SMC5: variants seen among roughly 807,000 people sequenced by gnomAD.
SMC5 encodes the protein structural maintenance of chromosomes 5.
SMC5 carries 88 observed loss-of-function variants against 148.3 expected under a neutral mutation model. The ratio of observed to expected loss-of-function variants is 0.59; its 90% CI spans 0.50 to 0.71. The LOEUF (loss-of-function observed/expected upper bound fraction) is 0.71. Among genes scored for constraint, SMC5 ranks in the 30% least tolerant of loss-of-function variants. The pLI, the probability that SMC5 is intolerant of heterozygous loss-of-function variation, is 0.00. For synonymous variants in SMC5, 421 were observed against 432.8 expected (o/e 0.97, Z 0.34); for missense variants, 1,142 against 1,298.9 (o/e 0.88, Z 1.86).
At chr9:70,345,498 C>T (rs1256565741) in intron 18 of SMC5, among the ~76,000 whole-genome samples, 1 of 152,150 alleles carries the variant, frequency 6.6e-6, no homozygotes, top group African/African-American at 2.4e-5. Context: ...CATTTTATAA[C>T]AGTCCTGAAT....
chr9:70,353,201 T>C lies in SMC5; in HGVS notation c.*870T>C, dbSNP rs945657214. The C allele has an allele frequency of 1.3e-5, 2 of 152,160 alleles. No homozygotes were observed. Among genetic ancestry groups the C allele is most frequent in the African/African-American group, 4.8e-5 (2 of 41,452 alleles). 9.4% of individuals were successfully genotyped at this position (152,160 alleles called of 1,614,324 possible). A position where few individuals can be genotyped will look rare whatever the true frequency, so the allele number is the denominator to read the frequency against. ...TTTCTTAAAATTTCATATACTGGTT[T>C]CTACAATTTATATTTGAAATTTCTC... On this transcript the variant is annotated 3_prime_UTR_variant, in exon 25 of 25. Transcript: ENST00000361138.
chr9:70,305,375 A>G lies in SMC5; in HGVS notation c.1578+15A>G, dbSNP rs1411497719. On this transcript the variant is annotated intron_variant, in intron 11 of 24. Transcript: ENST00000361138. Reference sequence around the variant, plus strand: ...TCCTCAAAGAGGCAAGTACTAACCAACACAACACTTTGATTCACTTGACAC... The same window carrying G: ...TCCTCAAAGAGGCAAGTACTAACCAGCACAACACTTTGATTCACTTGACAC... The G allele has an allele frequency of 3.5e-6, 5 of 1,408,636 alleles. No individual in the cohort carries two copies. The highest frequency in any genetic ancestry group is 5.0e-6 in the Non-Finnish European group (5 of 1,002,954). The allele number at this position is 1,408,636 out of a possible 1,614,324, so 87.3% of individuals were successfully genotyped here.
chr9:70,299,929 T>C (rs546304112), intron 9 of SMC5, 117 bp from the exon 10 acceptor site: 1 of 826,648 alleles, frequency 1.2e-6, no homozygotes, highest in Non-Finnish European at 1.7e-6. Context: ...TGGGAGTTAC[T>C]TGCTGAGTGG....
At chr9:70,260,536 T>A (rs2034089715) in intron 1 of SMC5, among the ~76,000 whole-genome samples, 1 of 152,182 alleles carries the variant, frequency 6.6e-6, no homozygotes, top group Non-Finnish European at 1.5e-5. Context: ...TCATAACAAC[T>A]CTATCTTGAT....
chr9:70,284,503 G>GT (rs1291483284), intron 7 of SMC5, among the ~76,000 whole-genome samples: 4 of 152,038 alleles, frequency 2.6e-5, no homozygotes. Context: ...GCTTTTTTTG[G>GT]TTCTTGAATT....
chr9:70,278,714 T>G lies in SMC5; in HGVS notation c.678+89T>G, dbSNP rs953504530. On this transcript the variant is annotated intron_variant, in intron 5 of 24. Coordinates refer to ENST00000361138, the MANE Select transcript of SMC5 (RefSeq NM_015110.4). ...AGAGAGAGTAGTAGTATTGATTCAT[T>G]GAGTGAATTCGTATTTGTGATTTTT... 1.7e-5 allele frequency: 22 copies of G among 1,308,804 alleles called. No homozygotes were observed. The African/African-American group carries it at 3.0e-4, about 18-fold the overall frequency. 81.1% of individuals were successfully genotyped at this position (1,308,804 alleles called of 1,614,324 possible).
Position 70,300,182 on chromosome 9 carries a change from T to A in SMC5, c.1446T>A (p.Cys482Ter). The change falls in exon 10 of 25, where the codon TGT becomes TGA. Residue 482 changes from cysteine (C) to a stop codon, truncating the protein, a stop_gained. Transcript: ENST00000361138. LOFTEE classifies it high-confidence loss of function. The stretch of plus-strand genomic sequence containing the variant: ...GAGACAAATTTAAACAAAGAGTCTG[T>A]GAGCCCATAATGCTCACGGTAAGAA... ...NNRDKFKQRV[C>*]EPIMLTINMK... 6.3e-7 allele frequency: 1 copy of A among 1,595,540 alleles called. No homozygotes were observed.
intron 11 of SMC5, among the ~76,000 whole-genome samples, chr9:70,306,273 C>CT (rs1383791095): frequency 2.6e-5 from 4 of 151,922 alleles, no homozygotes; most frequent in African/African-American, 9.7e-5. Flanking sequence ...TTTAATTGGT[C>CT]TAAGTGAGGA....
chr9:70,344,431 T>C (rs989762454), intron 18 of SMC5, 162 bp downstream of exon 18: 20 of 300,082 alleles, frequency 6.7e-5, no homozygotes, highest in Admixed American at 1.6e-4. Context: ...TATAAAATAA[T>C]GTTGCTTAAG....
intron 13 of SMC5, among the ~76,000 whole-genome samples, chr9:70,316,606 T>C (rs1450907407): frequency 6.6e-6 from 1 of 152,086 alleles, no homozygotes; most frequent in East Asian, 1.9e-4. Flanking sequence ...AACCAATTTT[T>C]GTCAAAGCTT....
chr9:70,323,438 C>A (rs1488429437), intron 15 of SMC5, 45 bp from the exon 16 acceptor site: 2 of 1,520,818 alleles, frequency 1.3e-6, no homozygotes, highest in South Asian at 1.3e-5. Flanking sequence ...GGGATCAATT[C>A]TTATGTTTAA....
At chr9:70,334,534 G>A (rs1269878601) in intron 17 of SMC5, among the ~76,000 whole-genome samples, 3 of 152,186 alleles carry the variant, frequency 2.0e-5, no homozygotes, top group African/African-American at 7.2e-5. Flanking sequence ...AGAGGACTAT[G>A]CCTGTGGGCC....
chr9:70,259,989 G>GGA (rs1202093228), intron 1 of SMC5, among the ~76,000 whole-genome samples: 3 of 149,144 alleles, frequency 2.0e-5, no homozygotes, highest in Non-Finnish European at 4.4e-5. Context: ...AGCCCACGCT[G>GGA]GATGGAGTGC....
chr9:70,323,399 C>A, intron 15 of SMC5, 84 bp from the exon 16 acceptor site: 1 of 1,357,740 alleles, frequency 7.4e-7, no homozygotes, highest in South Asian at 1.6e-5. Context: ...TAAATATATC[C>A]CAGAAAACTG....
At chr9:70,323,192 T>A (rs1176148441) in intron 15 of SMC5, among the ~76,000 whole-genome samples, 2 of 152,230 alleles carry the variant, frequency 1.3e-5, no homozygotes, top group African/African-American at 4.8e-5. Flanking sequence ...TCTTTAAAAT[T>A]GAGAACATAC....
chr9:70,304,720 A>G (rs2035452341), intron 10 of SMC5, among the ~76,000 whole-genome samples: 1 of 152,166 alleles, frequency 6.6e-6, no homozygotes. Flanking sequence ...AAATAGATCA[A>G]TAAGATTATG....
In SMC5 at chr9:70,318,668, A is replaced by C. The variant is rs771659629; in HGVS notation, c.1961A>C (p.His654Pro). 2 of 1,600,416 alleles carry C rather than the reference A, an allele frequency of 1.2e-6. No homozygotes were observed. The highest frequency in any genetic ancestry group is 1.7e-6 in the Non-Finnish European group (2 of 1,174,998). Residue 654 changes from histidine (H) to proline (P), a missense_variant, in exon 14 of 25, where the codon CAC becomes CCC. Around this residue, in one of 5 missense-constraint regions of SMC5, gnomAD observed 743 missense variants for 835.7 expected, o/e 0.89. Coordinates refer to ENST00000361138, the MANE Select transcript of SMC5 (RefSeq NM_015110.4). Reference protein sequence around the residue: ...TVTVDLEQRRHLEEQLKEIHR... With the variant: ...TVTVDLEQRRPLEEQLKEIHR... Reference sequence around the variant, plus strand: ...ACTGTGGACCTAGAGCAGAGAAGACACTTAGAAGAACAGCTAAAGGTTGGT... The same window carrying C: ...ACTGTGGACCTAGAGCAGAGAAGACCCTTAGAAGAACAGCTAAAGGTTGGT...
chr9:70,290,352 A>G (rs1694163521), intron 8 of SMC5, among the ~76,000 whole-genome samples: 1 of 152,196 alleles, frequency 6.6e-6, no homozygotes, highest in Admixed American at 6.5e-5. Context: ...GGTCCTCATT[A>G]GCATAAAACC....
At chr9:70,279,531 A>C (rs2034688705) in intron 5 of SMC5, among the ~76,000 whole-genome samples, 1 of 146,158 alleles carries the variant, frequency 6.8e-6, no homozygotes, top group South Asian at 2.2e-4. Context: ...AAAAATGGAA[A>C]TCTGGCTGGG....
Sources: allele counts gnomAD v4.1 joint callset (sites outside exome capture counted in the v4.1 genomes callset), GRCh38; gene constraint gnomAD v4.1.1; regional missense constraint gnomAD v4.1.1; transcripts MANE v1.5; gene names NCBI Gene and HGNC (gene_info 2026-07-23, HGNC 2026-07-21).